Variants in SLC16A1 observed in about 807,000 individuals in gnomAD.
SLC16A1 encodes monocarboxylate transporter 1.
In SLC16A1, 11 loss-of-function variants were observed where a neutral mutation model predicts 32.2. That is an observed-to-expected ratio of 0.34 (90% CI 0.21 to 0.56). SLC16A1 has a LOEUF of 0.56. Ranked by LOEUF, SLC16A1 falls within the 20% of genes least tolerant of loss-of-function variation. The pLI is 0.87. For synonymous variants in SLC16A1, 231 were observed against 226.8 expected, an observed-to-expected ratio of 1.02 and a Z score of -0.17; for missense variants, 435 against 615.0, an observed-to-expected ratio of 0.71 and a Z score of 3.10.
chr1:112,914,118 A>G lies in SLC16A1; in HGVS notation c.1276T>C (p.Cys426Arg), dbSNP rs1648420470. 1 of 1,614,200 alleles carries G rather than the reference A, an allele frequency of 6.2e-7. No homozygotes were observed. The highest frequency in any genetic ancestry group is 8.5e-7 in the Non-Finnish European group (1 of 1,180,016). Residue 426 changes from cysteine (C) to arginine (R), a missense_variant, in exon 5 of 5, where the codon TGT (cysteine) becomes CGT (arginine). By Grantham distance (180) the Cys-to-Arg change is radical. Transcript: ENST00000369626. The stretch of plus-strand genomic sequence containing the variant: ...CCTGAAATAATTAGGACGACGCCAC[A>G]TGCCCAGTATGTGTATTTGTAGTCT... The part of the protein sequence containing the change: ...YGDYKYTYWA[C>R]GVVLIISGIY...
In SLC16A1 at chr1:112,913,806, C is replaced by A; in HGVS notation, c.*85G>T. On this transcript the variant is annotated 3_prime_UTR_variant, in exon 5 of 5. Coordinates refer to ENST00000369626, the MANE Select transcript of SLC16A1 (RefSeq NM_003051.4). ...ACAAATGTCTACTATTTGCATTGAGCACCACTGGTAGATTACAGGCCAGTA... is the reference window on the plus strand; with the variant it reads ...ACAAATGTCTACTATTTGCATTGAGAACCACTGGTAGATTACAGGCCAGTA... The A allele has an allele frequency of 6.8e-7, 1 of 1,481,268 alleles. No homozygotes were observed. The allele number at this position is 1,481,268 out of a possible 1,614,324, so 91.8% of individuals were successfully genotyped here.
chr1:112,940,546 A>AACTGGT (rs1352016455), intron 1 of SLC16A1, among the ~76,000 whole-genome samples: 56 of 152,322 alleles, frequency 3.7e-4, no homozygotes, highest in African/African-American at 1.3e-3. Flanking sequence ...CAACTGAATC[A>AACTGGT]GAATCAGGTT....
chr1:112,917,140 T>A lies in SLC16A1; in HGVS notation c.1228+38A>T, dbSNP rs933665265. 1 of 1,613,838 alleles carries A rather than the reference T, an allele frequency of 6.2e-7. No homozygotes were observed. The highest frequency in any genetic ancestry group is 8.5e-7 in the Non-Finnish European group (1 of 1,179,862). ...AGCATTCCCATCTTACATGCTTGTT[T>A]TGTAATAGACCCACATTAGTAGGGA... On this transcript the variant is annotated intron_variant, in intron 4 of 4. Coordinates refer to ENST00000369626, the MANE Select transcript of SLC16A1 (RefSeq NM_003051.4). The surrounding 1 kb of genome is among the most constrained non-coding windows in gnomAD (Gnocchi z 4.1).
Position 112,913,412 on chromosome 1 carries a change from T to C in SLC16A1, c.*479A>G, listed in dbSNP as rs961416174. The C allele has an allele frequency of 6.3e-6, 1 of 157,844 alleles. No individual in the cohort carries two copies. The highest frequency in any genetic ancestry group is 2.4e-5 in the African/African-American group (1 of 41,492). 9.8% of individuals were successfully genotyped at this position (157,844 alleles called of 1,614,324 possible). A position where few individuals can be genotyped will look rare whatever the true frequency, so the allele number is the denominator to read the frequency against. ...ATCTCTAACTTTCAACCAATATTTC[T>C]GTTCATAAATCTTCCAGTGAAAATG... On this transcript the variant is annotated 3_prime_UTR_variant, in exon 5 of 5. Transcript: ENST00000369626.
At chr1:112,923,268 A>AGATTGAGCCG (rs1648803954) in intron 2 of SLC16A1, among the ~76,000 whole-genome samples, 4 of 52,100 alleles carry the variant, frequency 7.7e-5, no homozygotes. Flanking sequence ...GCGGTGAGCC[A>AGATTGAGCCG]TTGCACTCCA....
At chr1:112,954,676 G>T (rs1009331883) in intron 1 of SLC16A1, among the ~76,000 whole-genome samples, 48 of 152,224 alleles carry the variant, frequency 3.2e-4, no homozygotes, top group African/African-American at 1.1e-3. Context: ...ATGCTCCTCA[G>T]ATCATTAACT....
intron 1 of SLC16A1, among the ~76,000 whole-genome samples, chr1:112,936,473 T>A (rs1034949987): frequency 8.4e-6 from 1 of 118,546 alleles, no homozygotes; most frequent in Non-Finnish European, 1.7e-5. Context: ...ACAGCATGAC[T>A]CTGTCTCAAA....
At chr1:112,930,194 T>C (rs1402409914) in intron 1 of SLC16A1, among the ~76,000 whole-genome samples, 6 of 152,188 alleles carry the variant, frequency 3.9e-5, no homozygotes, top group Admixed American at 3.9e-4. Flanking sequence ...ATGATTGGCA[T>C]GTGAAGTAAG....
At chr1:112,947,148 T>A (rs12028967) in intron 1 of SLC16A1, among the ~76,000 whole-genome samples, 2 of 152,050 alleles carry the variant, frequency 1.3e-5, no homozygotes, top group African/African-American at 4.8e-5. Flanking sequence ...GAATTCTAAA[T>A]TATATTCTGG....
intron 1 of SLC16A1, among the ~76,000 whole-genome samples, chr1:112,932,818 G>C (rs1312126978): frequency 1.5e-5 from 2 of 135,158 alleles, no homozygotes; most frequent in Non-Finnish European, 3.2e-5. Flanking sequence ...AAAAAGGCCT[G>C]TCTCTAAAAA....
intron 1 of SLC16A1, among the ~76,000 whole-genome samples, chr1:112,940,445 G>A (rs923599605): frequency 2.0e-5 from 3 of 152,100 alleles, no homozygotes; most frequent in Admixed American, 2.0e-4. Flanking sequence ...GAGAACGGCT[G>A]TTTTTTTAAA....
intron 1 of SLC16A1, chr1:112,935,678 T>C (rs1425164644): frequency 6.6e-6 from 1 of 152,174 alleles, no homozygotes; most frequent in African/African-American, 2.4e-5. Context: ...ATTATAGACT[T>C]GATGAACAAT....
intron 2 of SLC16A1, among the ~76,000 whole-genome samples, chr1:112,922,669 G>A (rs761908590): frequency 5.9e-5 from 9 of 152,238 alleles, no homozygotes; most frequent in South Asian, 2.1e-4. Flanking sequence ...CAGCTACTCC[G>A]AAGGCTGAGG....
intron 1 of SLC16A1, among the ~76,000 whole-genome samples, chr1:112,931,576 C>T (rs995033931): frequency 8.1e-5 from 11 of 134,992 alleles, no homozygotes; most frequent in African/African-American, 2.3e-4. Flanking sequence ...ACCCGGGAGG[C>T]GGAGGTTGCA....
At chr1:112,947,875 T>C (rs933192327) in intron 1 of SLC16A1, among the ~76,000 whole-genome samples, 1 of 152,198 alleles carries the variant, frequency 6.6e-6, no homozygotes, top group African/African-American at 2.4e-5. Flanking sequence ...TGAGTACTCT[T>C]TGGCACTGAA....
At position 112,917,898 on chromosome 1, in the gene SLC16A1, C is replaced by A. The variant is rs200143982; in HGVS notation, c.508G>T (p.Gly170Cys). ...TLAPLNQVFF[G>C]IFGWRGSFLI... ...AAGCTTCCTCTCCATCCAAAGATAC[C>A]GAAGAAAACCTGATTGAGGGGGGCC... Residue 170 changes from glycine (G) to cysteine (C), a missense_variant, in exon 4 of 5, where the codon GGT becomes TGT. Physicochemically the swap from Gly to Cys is radical, Grantham distance 159 (BLOSUM62 -3). Around this residue, in one of 2 missense-constraint regions of SLC16A1, gnomAD observed 324 missense variants for 500.3 expected, o/e 0.65. Coordinates refer to ENST00000369626, the MANE Select transcript of SLC16A1 (RefSeq NM_003051.4). This position sits in a 1 kb window ranked among gnomAD's most constrained non-coding sequence, Gnocchi z 4.1. 6.2e-7 allele frequency: 1 copy of A among 1,607,180 alleles called. No individual in the cohort carries two copies. Among genetic ancestry groups the A allele is most frequent in the Non-Finnish European group, 8.5e-7 (1 of 1,177,148 alleles).
chr1:112,931,644 C>CAA lies in SLC16A1; in HGVS notation c.-44-2294_-44-2293dup, dbSNP rs561013159. 2.3e-3 allele frequency among the ~76,000 whole-genome samples: 142 copies of CAA among 61,684 alleles called. 1 individual carries two copies. The highest frequency in any genetic ancestry group is 3.3e-3 in the Admixed American group (18 of 5,524). The allele number at this position is 61,684 out of a possible 152,430, so 40.5% of individuals were successfully genotyped here. A position where few individuals can be genotyped will look rare whatever the true frequency, so the allele number is the denominator to read the frequency against. The stretch of plus-strand genomic sequence containing the variant: ...TGGGCGACAGAGTAATACTCTGTCT[C>CAA]AAAAAAAAAAAAAAAAAAAAAAAAG... On this transcript the variant is annotated intron_variant, in intron 1 of 4. Transcript: ENST00000369626.
chr1:112,927,840 A>G (rs910339215), intron 2 of SLC16A1, among the ~76,000 whole-genome samples: 2 of 152,206 alleles, frequency 1.3e-5, no homozygotes, highest in African/African-American at 4.8e-5. Flanking sequence ...AGCACAGAAT[A>G]GCAACATGTA....
chr1:112,924,016 T>G lies in SLC16A1; in HGVS notation c.218-1883A>C, dbSNP rs1648837469. 43 of 1,344,158 alleles carry G rather than the reference T, an allele frequency of 3.2e-5. 1 individual carries two copies. In the South Asian group the frequency reaches 5.0e-4, roughly 16 times the overall value. 83.3% of individuals were successfully genotyped at this position (1,344,158 alleles called of 1,614,324 possible). A position where few individuals can be genotyped will look rare whatever the true frequency, so the allele number is the denominator to read the frequency against. On this transcript the variant is annotated intron_variant, in intron 2 of 4. Transcript: ENST00000369626. The stretch of plus-strand genomic sequence containing the variant: ...GACAGGAAACAGCCCATGGGCCGCT[T>G]CTTTGGGACTCAATGGGCAGAGATC...
Sources: allele counts gnomAD v4.1 joint callset (sites outside exome capture counted in the v4.1 genomes callset), GRCh38; gene constraint gnomAD v4.1.1; regional missense constraint gnomAD v4.1.1; non-coding constraint Gnocchi (gnomAD v3.1); transcripts MANE v1.5; gene names NCBI Gene and HGNC (gene_info 2026-07-23, HGNC 2026-07-21).